Variants in UCK2 observed in about 807,000 individuals in gnomAD.
The protein encoded by UCK2 is uridine-cytidine kinase 2, also known as cytidine monophosphokinase 2.
In UCK2, 6 loss-of-function variants were observed where a neutral mutation model predicts 30.8. The ratio of observed to expected loss-of-function variants is 0.19; its 90% CI spans 0.11 to 0.38. UCK2 has a LOEUF of 0.38. UCK2 is among the 10% of genes least tolerant of loss of function. The probability of loss-of-function intolerance (pLI) is 1.00; values close to 1 mark genes in which losing one functional copy is unlikely to be tolerated. For synonymous variants in UCK2, 125 were observed against 133.6 expected, an observed-to-expected ratio of 0.94 and a Z score of 0.45; for missense variants, 210 against 339.8, an observed-to-expected ratio of 0.62 and a Z score of 3.00.
At chr1:165,847,893 G>C (rs1246523541) in intron 1 of UCK2, among the ~76,000 whole-genome samples, 1 of 152,012 alleles carries the variant, frequency 6.6e-6, no homozygotes, top group Non-Finnish European at 1.5e-5. Context: ...TGGGTTCGGG[G>C]TTTCACCATG....
chr1:165,894,800 C>T (rs190197548), intron 3 of UCK2, among the ~76,000 whole-genome samples: 104 of 152,212 alleles, frequency 6.8e-4, no homozygotes, highest in African/African-American at 2.4e-3. Flanking sequence ...GGAGTTCCAA[C>T]GGCACCCTCT....
At chr1:165,890,432 A>G in intron 2 of UCK2, 69 bp downstream of exon 2, 1 of 1,532,638 alleles carries the variant, frequency 6.5e-7, no homozygotes, top group Non-Finnish European at 9.0e-7. Flanking sequence ...TATTTTGCTC[A>G]TGAGGAAGTT....
intron 1 of UCK2, among the ~76,000 whole-genome samples, chr1:165,845,890 A>T (rs1463972986): frequency 6.6e-6 from 1 of 151,936 alleles, no homozygotes; most frequent in East Asian, 1.9e-4. Context: ...CTGATATCTA[A>T]CTCTGTACTC....
At chr1:165,868,521 A>G (rs1223859761) in intron 1 of UCK2, among the ~76,000 whole-genome samples, 2 of 152,238 alleles carry the variant, frequency 1.3e-5, no homozygotes, top group African/African-American at 4.8e-5. Flanking sequence ...CAGCTTCTAC[A>G]TCAGCACTTG....
At chr1:165,866,186 T>C (rs1011881625) in intron 1 of UCK2, among the ~76,000 whole-genome samples, 1 of 152,246 alleles carries the variant, frequency 6.6e-6, no homozygotes, top group African/African-American at 2.4e-5. Flanking sequence ...CTTAGGAGGC[T>C]GGCTTGAAGT....
At chr1:165,882,787 G>A (rs1051724483) in intron 1 of UCK2, among the ~76,000 whole-genome samples, 3 of 152,072 alleles carry the variant, frequency 2.0e-5, no homozygotes, top group Non-Finnish European at 2.9e-5. Context: ...GCATTTCAGC[G>A]TGTGAATTTT....
chr1:165,850,980 G>C (rs1270627123), intron 1 of UCK2, among the ~76,000 whole-genome samples: 2 of 125,472 alleles, frequency 1.6e-5, no homozygotes, highest in African/African-American at 6.1e-5. Flanking sequence ...TCGCTATGTT[G>C]CTTGGACTCC....
rs1647797292 is a variant in UCK2 at position 165,909,984 on chromosome 1, A to G, written c.*2161A>G. On this transcript the variant is annotated 3_prime_UTR_variant, in exon 7 of 7. Transcript: ENST00000367879. ...GGACTCCTCTCATCTCTGAGCCTTT[A>G]CCTAGCTGCTTCCTCATCTACCTGT... 1 of 152,280 alleles carries G rather than the reference A, an allele frequency of 6.6e-6. No individual in the cohort carries two copies. Among genetic ancestry groups the G allele is most frequent in the Non-Finnish European group, 1.5e-5 (1 of 68,116 alleles). The allele number at this position is 152,280 out of a possible 1,614,324, so 9.4% of individuals were successfully genotyped here.
chr1:165,835,505 C>A lies in UCK2; in HGVS notation c.99+7573C>A, dbSNP rs112747250. On this transcript the variant is annotated intron_variant, in intron 1 of 6. Transcript: ENST00000367879. The stretch of plus-strand genomic sequence containing the variant: ...CAAGAGCCACTGTACTGGGCCCCAT[C>A]ACATATTTTTGACATCAGTTTTTTT... Among the ~76,000 whole-genome samples the A allele has an allele frequency of 5.2e-3, 793 of 152,068 alleles. 6 individuals carry two copies. Among genetic ancestry groups the A allele is most frequent in the African/African-American group, 0.018 (749 of 41,496 alleles).
intron 4 of UCK2, 39 bp from the exon 5 acceptor site, chr1:165,903,143 T>C (rs529965025): frequency 2.6e-6 from 4 of 1,563,472 alleles, no homozygotes; most frequent in African/African-American, 2.7e-5. Context: ...TGCTGGCTCC[T>C]ACACCGTTTT....
intron 1 of UCK2, among the ~76,000 whole-genome samples, chr1:165,830,617 G>GC (rs36121196): frequency 0.21 from 32,583 of 152,060 alleles, 4,047 homozygotes; most frequent in East Asian, 0.57. Context: ...GCGCCACCAC[G>GC]CCGGCAATCT....
intron 1 of UCK2, among the ~76,000 whole-genome samples, chr1:165,881,931 G>T (rs1055156801): frequency 3.9e-5 from 6 of 152,194 alleles, no homozygotes; most frequent in African/African-American, 1.4e-4. Flanking sequence ...TCTCTCAGAC[G>T]CAGTCTAACA....
intron 1 of UCK2, among the ~76,000 whole-genome samples, chr1:165,854,022 G>T (rs1400722815): frequency 6.6e-6 from 1 of 152,202 alleles, no homozygotes; most frequent in African/African-American, 2.4e-5. Context: ...CTTTCAACTA[G>T]ATCTGTGTAG....
intron 1 of UCK2, among the ~76,000 whole-genome samples, chr1:165,833,239 G>T (rs1052172859): frequency 6.6e-6 from 1 of 152,148 alleles, no homozygotes; most frequent in Non-Finnish European, 1.5e-5. Flanking sequence ...CTCAGAGATG[G>T]CATTGTGTGT....
intron 1 of UCK2, among the ~76,000 whole-genome samples, chr1:165,874,412 C>G (rs550266604): frequency 2.0e-5 from 3 of 152,290 alleles, no homozygotes; most frequent in South Asian, 4.1e-4. Context: ...CCAGTGGCAG[C>G]GGGCTTGGCA....
At chr1:165,876,435 C>G (rs1224731632) in intron 1 of UCK2, among the ~76,000 whole-genome samples, 1 of 152,114 alleles carries the variant, frequency 6.6e-6, no homozygotes, top group Non-Finnish European at 1.5e-5. Flanking sequence ...TTCCAGATAG[C>G]AACAGTTTAC....
chr1:165,890,333 C>T lies in UCK2; in HGVS notation c.229C>T (p.Leu77=). 3 of 1,613,982 alleles carry T rather than the reference C, an allele frequency of 1.9e-6. No homozygotes were observed. The highest frequency in any genetic ancestry group is 2.5e-6 in the Non-Finnish European group (3 of 1,180,028). ...VLTSEQKAKA[L]KGQFNFDHPD... ...TACCTCGGAGCAGAAGGCCAAAGCCCTGAAGGGCCAGTTCAACTTTGACCA... is the reference window on the plus strand; with the variant it reads ...TACCTCGGAGCAGAAGGCCAAAGCCTTGAAGGGCCAGTTCAACTTTGACCA... Residue 77 remains leucine, a synonymous_variant, in exon 2 of 7, where the codon CTG becomes TTG. Coordinates refer to ENST00000367879, the MANE Select transcript of UCK2 (RefSeq NM_012474.5).
chr1:165,830,617 G>GTGC (rs1557829879), intron 1 of UCK2, among the ~76,000 whole-genome samples: 3 of 152,094 alleles, frequency 2.0e-5, no homozygotes, highest in Admixed American at 6.5e-5. Flanking sequence ...GCGCCACCAC[G>GTGC]CCGGCAATCT....
intron 1 of UCK2, among the ~76,000 whole-genome samples, chr1:165,884,506 G>A (rs944964982): frequency 1.2e-4 from 19 of 152,244 alleles, no homozygotes; most frequent in African/African-American, 4.3e-4. Context: ...CCTCCCAAGG[G>A]CTGAATTGTT....
Sources: gnomAD v4.1 joint callset for allele counts (sites outside exome capture counted in the v4.1 genomes callset) on GRCh38, gnomAD v4.1.1 for gene constraint, MANE v1.5 for transcripts, NCBI Gene and HGNC (gene_info 2026-07-23, HGNC 2026-07-21) for gene names.